The following GRIP1 variants were observed in gnomAD, a reference collection of about 807,000 sequenced individuals.
GRIP1 encodes glutamate receptor-interacting protein 1.
GRIP1 carries 45 observed loss-of-function variants against 129.9 expected under a neutral mutation model. The observed-to-expected ratio is 0.35, with a 90% confidence interval of 0.27 to 0.44. The LOEUF (loss-of-function observed/expected upper bound fraction) is 0.44, where lower values mean the gene tolerates loss of function less well. Among genes scored for constraint, GRIP1 ranks in the 20% least tolerant of loss-of-function variants. The pLI, the probability that GRIP1 is intolerant of heterozygous loss-of-function variation, is 1.00. For synonymous variants in GRIP1, 530 were observed against 520.8 expected (o/e 1.02, Z -0.24); for missense variants, 1,196 against 1,396.8 (o/e 0.86, Z 2.29).
intron 1 of GRIP1, among the ~76,000 whole-genome samples, chr12:66,845,880 C>T (rs1566048773): frequency 6.6e-6 from 1 of 152,116 alleles, no homozygotes; most frequent in Non-Finnish European, 1.5e-5. Flanking sequence ...CCTACCAGTC[C>T]TTCGAGGGTG....
intron 3 of GRIP1, 112 bp from the exon 4 acceptor site, chr12:66,539,335 A>G: frequency 7.1e-7 from 1 of 1,408,112 alleles, no homozygotes; most frequent in Non-Finnish European, 1.0e-6. Flanking sequence ...CAAGCCTAGA[A>G]GGCTGACAGC....
chr12:66,872,610 T>C (rs966946334), intron 1 of GRIP1, among the ~76,000 whole-genome samples: 2 of 152,052 alleles, frequency 1.3e-5, no homozygotes, highest in Non-Finnish European at 1.5e-5. Flanking sequence ...GTAAAATATA[T>C]ATAAAAAAAC....
intron 8 of GRIP1, among the ~76,000 whole-genome samples, chr12:66,463,642 A>T (rs2059200114): frequency 6.6e-6 from 1 of 152,168 alleles, no homozygotes; most frequent in African/African-American, 2.4e-5. Flanking sequence ...GGAGTTGAAC[A>T]TGTATTAGTA....
chr12:66,871,560 C>T (rs2040296649), intron 1 of GRIP1, among the ~76,000 whole-genome samples: 1 of 152,022 alleles, frequency 6.6e-6, no homozygotes, highest in South Asian at 2.1e-4. Flanking sequence ...AAATACCTGG[C>T]ATATAACAAA....
At chr12:66,463,272 G>A (rs372581717) in intron 8 of GRIP1, among the ~76,000 whole-genome samples, 179 bp from the exon 9 acceptor site, 9 of 152,178 alleles carry the variant, frequency 5.9e-5, no homozygotes, top group African/African-American at 2.2e-4. Context: ...ATATGAACAA[G>A]GAAGTAAAAC....
chr12:66,919,047 A>G (rs2041171741), intron 1 of GRIP1, among the ~76,000 whole-genome samples: 1 of 152,204 alleles, frequency 6.6e-6, no homozygotes, highest in South Asian at 2.1e-4. Flanking sequence ...AAGGGCTGTC[A>G]TTTTATAACA....
At chr12:66,525,611 A>C (rs1049271670) in intron 5 of GRIP1, among the ~76,000 whole-genome samples, 2 of 151,582 alleles carry the variant, frequency 1.3e-5, no homozygotes, top group Admixed American at 1.3e-4. Context: ...TTCCCTCTGA[A>C]AACTGGCACA....
At chr12:66,932,903 G>A (rs1331273124) in intron 1 of GRIP1, among the ~76,000 whole-genome samples, 1 of 152,072 alleles carries the variant, frequency 6.6e-6, no homozygotes, top group East Asian at 1.9e-4. Flanking sequence ...CCCTGACCTC[G>A]TGATCCACCT....
At chr12:66,859,879 A>G (rs528632265) in intron 1 of GRIP1, among the ~76,000 whole-genome samples, 31 of 152,150 alleles carry the variant, frequency 2.0e-4, no homozygotes, top group African/African-American at 7.5e-4. Flanking sequence ...ATTAATAGAT[A>G]GTCCTGTCCT....
intron 1 of GRIP1, among the ~76,000 whole-genome samples, chr12:66,871,324 T>C (rs1339762840): frequency 6.6e-6 from 1 of 152,134 alleles, no homozygotes; most frequent in East Asian, 1.9e-4. Flanking sequence ...TTTCTAGCAT[T>C]CACTCAGACA....
intron 1 of GRIP1, among the ~76,000 whole-genome samples, chr12:66,812,840 C>T (rs386471486): frequency 2.6e-5 from 4 of 152,274 alleles, no homozygotes; most frequent in Middle Eastern, 3.4e-3. Flanking sequence ...ACATTAAAGG[C>T]CCTTGAATAA....
intron 1 of GRIP1, among the ~76,000 whole-genome samples, chr12:66,910,662 T>C (rs112959536): frequency 2.4e-3 from 366 of 151,974 alleles, no homozygotes; most frequent in African/African-American, 8.4e-3. Flanking sequence ...ATAGTGAGTG[T>C]GAAAATGAAA....
At chr12:67,040,266 G>C (rs1011919720) in intron 1 of GRIP1, among the ~76,000 whole-genome samples, 2 of 150,326 alleles carry the variant, frequency 1.3e-5, no homozygotes, top group African/African-American at 4.9e-5. Context: ...CGTGTGGGCA[G>C]GTCCTACTCC....
intron 5 of GRIP1, among the ~76,000 whole-genome samples, chr12:66,523,503 C>T (rs2061100697): frequency 1.3e-5 from 2 of 151,684 alleles, no homozygotes; most frequent in African/African-American, 4.9e-5. Flanking sequence ...ACCACCAGGC[C>T]TGCCCTAAAA....
At chr12:66,393,949 C>T (rs188643422) in intron 17 of GRIP1, among the ~76,000 whole-genome samples, 3 of 152,294 alleles carry the variant, frequency 2.0e-5, no homozygotes, top group Admixed American at 6.5e-5. Flanking sequence ...AATCCGCCTT[C>T]AGTCAATTGT....
chr12:66,882,195 CAT>C (rs1413013158), intron 1 of GRIP1, among the ~76,000 whole-genome samples: 2 of 110,720 alleles, frequency 1.8e-5, no homozygotes, highest in Non-Finnish European at 3.6e-5. Flanking sequence ...CATGTAAACA[CAT>C]AGTGTGCCAT....
chr12:66,827,376 G>GTT (rs2039432484), intron 1 of GRIP1, among the ~76,000 whole-genome samples: 1 of 109,118 alleles, frequency 9.2e-6, no homozygotes, highest in Admixed American at 8.6e-5. Context: ...GTGTGTGTGT[G>GTT]TGTGTGTGTG....
chr12:66,635,284 C>T (rs1318970432), intron 1 of GRIP1, among the ~76,000 whole-genome samples: 7 of 151,602 alleles, frequency 4.6e-5, no homozygotes, highest in Middle Eastern at 3.4e-3. Flanking sequence ...CTGGGCGTGG[C>T]GATGCAGGCT....
At chr12:66,650,398 T>C (rs559965929) in intron 1 of GRIP1, among the ~76,000 whole-genome samples, 4 of 152,300 alleles carry the variant, frequency 2.6e-5, no homozygotes, top group Admixed American at 6.5e-5. Context: ...ATAGATACCA[T>C]CTTAACTATT....
Sources: allele counts gnomAD v4.1 joint callset (sites outside exome capture counted in the v4.1 genomes callset), GRCh38; gene constraint gnomAD v4.1.1; transcripts MANE v1.5; gene names NCBI Gene and HGNC (gene_info 2026-07-23, HGNC 2026-07-21).